APOBR: variants seen among roughly 807,000 people sequenced by gnomAD.
The protein encoded by APOBR is apoB-48R.
In APOBR, 57 loss-of-function variants were observed where a neutral mutation model predicts 88.5. The ratio of observed to expected loss-of-function variants is 0.64; its 90% CI spans 0.52 to 0.80. The LOEUF (loss-of-function observed/expected upper bound fraction) is 0.80, where lower values mean the gene tolerates loss of function less well. Ranked by LOEUF, APOBR falls within the 30% of genes least tolerant of loss-of-function variation. The pLI is 0.00. For synonymous variants in APOBR, 588 were observed against 572.7 expected, an observed-to-expected ratio of 1.03 and a Z score of -0.38; for missense variants, 1,443 against 1,401.6, an observed-to-expected ratio of 1.03 and a Z score of -0.47.
rs1246490694 is a variant in APOBR, at chr16:28,496,401, G to C, written c.1360G>C (p.Glu454Gln). Residue 454 changes from glutamate to glutamine, a missense_variant, in exon 2 of 4, where the codon GAG (glutamate) becomes CAG (glutamine). Physicochemically the swap from Glu to Gln is conservative, Grantham distance 29. Coordinates refer to ENST00000564831, the MANE Select transcript of APOBR (RefSeq NM_018690.4). ...TAGREAVGGQEAGESFEGQVD... is the reference protein window; with the variant it reads ...TAGREAVGGQQAGESFEGQVD... ...AGGGAGGGAAGCTGTGGGAGGCCAGGAGGCAGGGGAGAGCTTTGAGGGCCA... is the reference window on the plus strand; with the variant it reads ...AGGGAGGGAAGCTGTGGGAGGCCAGCAGGCAGGGGAGAGCTTTGAGGGCCA... The C allele has an allele frequency of 6.2e-7, 1 of 1,610,942 alleles. No individual in the cohort carries two copies. Among genetic ancestry groups the C allele is most frequent in the Admixed American group, 1.7e-5 (1 of 59,514 alleles).
In APOBR at chr16:28,496,697, TG is replaced by T; in HGVS notation, c.1658del (p.Gly553AlafsTer14). On this transcript the variant is annotated frameshift_variant, in exon 2 of 4. Transcript: ENST00000564831. LOFTEE classifies it high-confidence loss of function. ...GTGGCCTACTGGGCGTGGAATGGGG[TG>T]GCCTCACACACAGCGTCACCAAAGG... ...SCGLLGVEWG[G>X]LTHSVTKGQG... The T allele has an allele frequency of 6.2e-7, 1 of 1,603,662 alleles. No homozygotes were observed. The highest frequency in any genetic ancestry group is 1.1e-5 in the South Asian group (1 of 89,244).
chr16:28,495,547 G>T lies in APOBR; in HGVS notation c.506G>T (p.Arg169Ile), dbSNP rs756868649. ...GAGTCCCATGAGCAGGAAGTGAACA[G>T]AGAAGAGAGGCTGAGAAGCTGGGAA... ...RQESHEQEVN[R>I]EERLRSWEQE... The change falls in exon 2 of 4, where the codon AGA becomes ATA. Residue 169 changes from arginine to isoleucine, a missense_variant. Transcript: ENST00000564831. The T allele has an allele frequency of 6.4e-7, 1 of 1,567,832 alleles. No homozygotes were observed. The highest frequency in any genetic ancestry group is 1.2e-5 in the South Asian group (1 of 85,216).
chr16:28,497,901 G>T lies in APOBR; in HGVS notation c.2860G>T (p.Ala954Ser), dbSNP rs1014595475. 8 of 1,613,600 alleles carry T rather than the reference G, an allele frequency of 5.0e-6. No individual in the cohort carries two copies. Among genetic ancestry groups the T allele is most frequent in the Non-Finnish European group, 5.9e-6 (7 of 1,179,746 alleles). The stretch of plus-strand genomic sequence containing the variant: ...CCAGGAGGAGCAGCCAACACACCAG[G>T]CCCCTGCAGAAGCTGCGCCGGAGTC... ...RGQEEQPTHQ[A>S]PAEAAPESVG... is the part of the protein sequence containing the mutation. Residue 954 changes from alanine to serine, a missense_variant, in exon 2 of 4, where the codon GCC becomes TCC. Transcript: ENST00000564831.
Position 28,497,741 on chromosome 16 carries a change from T to C in APOBR, c.2700T>C (p.Ser900=), listed in dbSNP as rs2046404700. 2 of 1,604,024 alleles carry C rather than the reference T, an allele frequency of 1.2e-6. No homozygotes were observed. Among genetic ancestry groups the C allele is most frequent in the Non-Finnish European group, 1.7e-6 (2 of 1,175,518 alleles). Residue 900 remains serine (S), a synonymous_variant, in exon 2 of 4, where the codon AGT becomes AGC. Coordinates refer to ENST00000564831, the MANE Select transcript of APOBR (RefSeq NM_018690.4). ...GWQEREQRED[S]EGRCGDYHPE... ...AGGAGAGAGAACAGAGGGAAGACAG[T>C]GAGGGGCGGTGTGGGGACTACCACC...
Position 28,495,508 on chromosome 16 carries a change from C to G in APOBR, c.467C>G (p.Ala156Gly). ...GCTTGCCAAGACAGGAGCGGCCAAG[C>G]CCAGGAGAGGCAGGAGTCCCATGAG... ...SGACQDRSGQ[A>G]QERQESHEQE... Residue 156 changes from alanine (A) to glycine (G), a missense_variant, in exon 2 of 4, where the codon GCC becomes GGC. Physicochemically the swap from Ala to Gly is moderately conservative, Grantham distance 60. Transcript: ENST00000564831. The G allele has an allele frequency of 6.4e-7, 1 of 1,569,280 alleles. No individual in the cohort carries two copies. Among genetic ancestry groups the G allele is most frequent in the Non-Finnish European group, 8.6e-7 (1 of 1,157,386 alleles).
In APOBR at chr16:28,497,188, C is replaced by T; in HGVS notation, c.2147C>T (p.Ser716Leu). The T allele has an allele frequency of 1.3e-6, 2 of 1,599,954 alleles. No individual in the cohort carries two copies. The highest frequency in any genetic ancestry group is 1.7e-6 in the Non-Finnish European group (2 of 1,173,810). ...GGGGCAGACGCAGGGCCTTGCCCGT[C>T]ACTGGGAGAGGCCTATGCCAGAGAA... ...STGADAGPCPSLGEAYARETE... is the reference protein window; with the variant it reads ...STGADAGPCPLLGEAYARETE... The change falls in exon 2 of 4, where the codon TCA (serine) becomes TTA (leucine). Residue 716 changes from serine (S) to leucine (L), a missense_variant. Ser to Leu is a moderately radical substitution (Grantham distance 145, BLOSUM62 -2). Transcript: ENST00000564831.
At position 28,498,209 on chromosome 16, in the gene APOBR, GC is replaced by G; in HGVS notation, c.3089del (p.Pro1030GlnfsTer29). On this transcript the variant is annotated frameshift_variant, in exon 3 of 4. Transcript: ENST00000564831. LOFTEE classifies it high-confidence loss of function. ...CTCCGGCCTGGGAGCAGCAGGAGGA[GC>G]CCCCAGCCCCCAACCCTCCTGAGGA... ...RTPAWEQQEEPPAPNPPEEEL... is the reference protein window; with the variant it reads ...RTPAWEQQEEXPAPNPPEEEL... The G allele has an allele frequency of 1.2e-6, 2 of 1,605,746 alleles. No individual in the cohort carries two copies.
chr16:28,496,628 G>A lies in APOBR; in HGVS notation c.1587G>A (p.Glu529=). Residue 529 remains glutamate, a synonymous_variant, in exon 2 of 4, where the codon GAG becomes GAA. Transcript: ENST00000564831. The part of the protein sequence containing the change: ...DLEATPEARP[E]EELTGEESEA... ...AGGCAACTCCAGAGGCCAGGCCTGA[G>A]GAGGAGCTCACAGGGGAGGAGAGTG... 1 of 1,592,008 alleles carries A rather than the reference G, an allele frequency of 6.3e-7. No homozygotes were observed. Among genetic ancestry groups the A allele is most frequent in the Non-Finnish European group, 8.6e-7 (1 of 1,167,762 alleles).
In APOBR at chr16:28,496,711, G is replaced by A; in HGVS notation, c.1670G>A (p.Ser557Asn). 6.2e-7 allele frequency: 1 copy of A among 1,601,850 alleles called. No individual in the cohort carries two copies. Residue 557 changes from serine to asparagine, a missense_variant, in exon 2 of 4, where the codon AGC (serine) becomes AAC (asparagine). Physicochemically the swap from Ser to Asn is conservative, Grantham distance 46. Coordinates refer to ENST00000564831, the MANE Select transcript of APOBR (RefSeq NM_018690.4). ...LGVEWGGLTH[S>N]VTKGQGPELM... The stretch of plus-strand genomic sequence containing the variant: ...GTGGAATGGGGTGGCCTCACACACA[G>A]CGTCACCAAAGGCCAAGGACCTGAG...
chr16:28,498,051 C>G, intron 2 of APOBR, 30 bp from the exon 3 acceptor site: 1 of 1,545,914 alleles, frequency 6.5e-7, no homozygotes, highest in Non-Finnish European at 8.7e-7. Flanking sequence ...GAAGCCGGCC[C>G]CATGGTCCTC....
rs372590956 is a variant in APOBR, at chr16:28,495,878, C to T, written c.837C>T (p.Gly279=). ...AGCCTGAGGACTGGGGAATCTTAGG[C>T]AGAGAGGAGGCCAGGACAACCCCAG... ...GAEPEDWGIL[G]REEARTTPGR... The change falls in exon 2 of 4, where the codon GGC becomes GGT. Residue 279 remains glycine, a synonymous_variant. Coordinates refer to ENST00000564831, the MANE Select transcript of APOBR (RefSeq NM_018690.4). 1 of 1,610,974 alleles carries T rather than the reference C, an allele frequency of 6.2e-7. No homozygotes were observed. The highest frequency in any genetic ancestry group is 1.7e-5 in the Admixed American group (1 of 59,356).
At position 28,496,037 on chromosome 16, in the gene APOBR, G is replaced by T. The variant is rs62034287; in HGVS notation, c.996G>T (p.Ser332=). 2 of 1,571,056 alleles carry T rather than the reference G, an allele frequency of 1.3e-6. No homozygotes were observed. The highest frequency in any genetic ancestry group is 2.3e-5 in the East Asian group (1 of 44,140). Reference sequence around the variant, plus strand: ...GCGGGGAGGAGGCCGGGACAGCCTCGGGAGGGGAGGAGGCCGGGATAGCCT... The same window carrying T: ...GCGGGGAGGAGGCCGGGACAGCCTCTGGAGGGGAGGAGGCCGGGATAGCCT... ...ASGGEEAGTA[S]GGEEAGIASG... is the part of the protein sequence containing the mutation. The change falls in exon 2 of 4, where the codon TCG becomes TCT. Residue 332 remains serine (S), a synonymous_variant. Transcript: ENST00000564831.
Position 28,495,831 on chromosome 16 carries a change from G to C in APOBR, c.790G>C (p.Gly264Arg). 6.2e-7 allele frequency: 1 copy of C among 1,607,846 alleles called. No homozygotes were observed. Among genetic ancestry groups the C allele is most frequent in the African/African-American group, 1.3e-5 (1 of 74,986 alleles). Reference sequence around the variant, plus strand: ...GGCCTGTGAAAGCACTAGGGCATGGGGGACGTGGGGCCCAGGGGCAGAGCC... The same window carrying C: ...GGCCTGTGAAAGCACTAGGGCATGGCGGACGTGGGGCCCAGGGGCAGAGCC... The part of the protein sequence containing the change: ...EKACESTRAW[G>R]TWGPGAEPED... The change falls in exon 2 of 4, where the codon GGG (glycine) becomes CGG (arginine). Residue 264 changes from glycine (G) to arginine (R), a missense_variant. Transcript: ENST00000564831.
chr16:28,496,423 GC>G lies in APOBR; in HGVS notation c.1384del (p.Gln462ArgfsTer2). 1.2e-6 allele frequency: 2 copies of G among 1,612,198 alleles called. No individual in the cohort carries two copies. On this transcript the variant is annotated frameshift_variant, in exon 2 of 4. Transcript: ENST00000564831. LOFTEE classifies it high-confidence loss of function. The part of the protein sequence containing the change: ...GGQEAGESFE[G>X]QVDLRGKEAE... ...CAGGAGGCAGGGGAGAGCTTTGAGGGCCAGGTAGACCTGCGTGGTAAGGAGG... is the reference window on the plus strand; with the variant it reads ...CAGGAGGCAGGGGAGAGCTTTGAGGGCAGGTAGACCTGCGTGGTAAGGAGG...
intron 2 of APOBR, 40 bp downstream of exon 2, chr16:28,498,036 A>T: frequency 6.5e-7 from 1 of 1,547,966 alleles, no homozygotes; most frequent in Non-Finnish European, 8.7e-7. Flanking sequence ...AACGAGTGGA[A>T]TCCCGAAGCC....
At position 28,495,836 on chromosome 16, in the gene APOBR, G is replaced by A. The variant is rs373814230; in HGVS notation, c.795G>A (p.Thr265=). 2.4e-5 allele frequency: 38 copies of A among 1,608,418 alleles called. No individual in the cohort carries two copies. The highest frequency in any genetic ancestry group is 2.2e-4 in the East Asian group (10 of 44,740). ...GTGAAAGCACTAGGGCATGGGGGAC[G>A]TGGGGCCCAGGGGCAGAGCCTGAGG... ...KACESTRAWG[T]WGPGAEPEDW... The change falls in exon 2 of 4, where the codon ACG becomes ACA. Residue 265 remains threonine (T), a synonymous_variant. Coordinates refer to ENST00000564831, the MANE Select transcript of APOBR (RefSeq NM_018690.4).
chr16:28,497,921 G>A lies in APOBR; in HGVS notation c.2880G>A (p.Pro960=), dbSNP rs749849073. ...ACCAGGCCCCTGCAGAAGCTGCGCC[G>A]GAGTCAGTCGGGGAAGCCGAGACGG... is the stretch of plus-strand genomic sequence containing the variant. The part of the protein sequence containing the change: ...PTHQAPAEAA[P]ESVGEAETAE... Residue 960 remains proline, a synonymous_variant, in exon 2 of 4, where the codon CCG becomes CCA. Coordinates refer to ENST00000564831, the MANE Select transcript of APOBR (RefSeq NM_018690.4). The A allele has an allele frequency of 3.0e-5, 49 of 1,613,468 alleles. No homozygotes were observed. The highest frequency in any genetic ancestry group is 1.8e-4 in the South Asian group (16 of 91,066).
Position 28,495,545 on chromosome 16 carries a change from CAGAGA to C in APOBR, c.510_514del (p.Glu171AlafsTer65). ...AGGAGTCCCATGAGCAGGAAGTGAACAGAGAAGAGAGGCTGAGAAGCTGGGAACAG... is the reference window on the plus strand; with the variant it reads ...AGGAGTCCCATGAGCAGGAAGTGAACAGAGAGGCTGAGAAGCTGGGAACAG... On this transcript the variant is annotated frameshift_variant, in exon 2 of 4. Transcript: ENST00000564831. LOFTEE classifies it high-confidence loss of function. The C allele has an allele frequency of 1.3e-6, 2 of 1,567,724 alleles. No homozygotes were observed. Among genetic ancestry groups the C allele is most frequent in the Non-Finnish European group, 1.7e-6 (2 of 1,156,550 alleles).
In APOBR at chr16:28,495,330, G is replaced by A. The variant is rs371555702; in HGVS notation, c.289G>A (p.Val97Ile). ...DRRHEVGSSAVEQTWGWGDGS... is the reference protein window; with the variant it reads ...DRRHEVGSSAIEQTWGWGDGS... ...AAGACATGAAGTGGGGAGCTCAGCT[G>A]TAGAACAGACCTGGGGCTGGGGAGA... The change falls in exon 2 of 4, where the codon GTA becomes ATA. Residue 97 changes from valine (V) to isoleucine (I), a missense_variant. Transcript: ENST00000564831. The A allele has an allele frequency of 2.6e-6, 4 of 1,554,252 alleles. No individual in the cohort carries two copies. The highest frequency in any genetic ancestry group is 2.4e-5 in the East Asian group (1 of 42,310).
Sources: allele counts gnomAD v4.1 joint callset, GRCh38; gene constraint gnomAD v4.1.1; transcripts MANE v1.5; gene names NCBI Gene and HGNC (gene_info 2026-07-23, HGNC 2026-07-21).